The following SPNS3 variants were observed in gnomAD, a reference collection of about 807,000 sequenced individuals.
The protein encoded by SPNS3 is protein spinster homolog 3.
SPNS3 carries 51 observed loss-of-function variants against 54.4 expected under a neutral mutation model. That is an observed-to-expected ratio of 0.94 (90% CI 0.75 to 1.18). The LOEUF (loss-of-function observed/expected upper bound fraction) is 1.18, where lower values mean the gene tolerates loss of function less well. Among genes scored for constraint, SPNS3 ranks in the 50% most tolerant of loss-of-function variants. SPNS3 has a pLI of 0.00. For missense variants in SPNS3, 669 were observed against 677.4 expected (o/e 0.99, Z 0.14); for synonymous variants, 309 against 294.7 (o/e 1.05, Z -0.50).
chr17:4,455,230 T>C (rs760232745), intron 8 of SPNS3, among the ~76,000 whole-genome samples: 2 of 152,156 alleles, frequency 1.3e-5, no homozygotes, highest in Non-Finnish European at 2.9e-5. Flanking sequence ...AAAGCTTCTA[T>C]CCGGACCAGA....
Position 4,434,621 on chromosome 17 carries a change from C to T in SPNS3, c.199+455C>T, listed in dbSNP as rs376794384. 5.5e-4 allele frequency among the ~76,000 whole-genome samples: 84 copies of T among 151,616 alleles called. No homozygotes were observed. The East Asian group carries it at 7.8e-3, about 14-fold the overall frequency. ...AAGTGATTCTCCTGCCTCAGCCTCCCGAGTAGCTGGGATTACAGGCGTGCA... is the reference window on the plus strand; with the variant it reads ...AAGTGATTCTCCTGCCTCAGCCTCCTGAGTAGCTGGGATTACAGGCGTGCA... On this transcript the variant is annotated intron_variant, in intron 1 of 11. Transcript: ENST00000355530.
chr17:4,452,711 G>GA (rs1236758371), intron 7 of SPNS3, among the ~76,000 whole-genome samples: 1 of 152,076 alleles, frequency 6.6e-6, no homozygotes, highest in Non-Finnish European at 1.5e-5. Flanking sequence ...GGTCAATGGA[G>GA]ATGAGGCAGG....
At position 4,438,657 on chromosome 17, in the gene SPNS3, G is replaced by A. The variant is rs571807121; in HGVS notation, c.200-1001G>A. Among the ~76,000 whole-genome samples, 14 of 152,350 alleles carry A rather than the reference G, an allele frequency of 9.2e-5. No individual in the cohort carries two copies. The South Asian group carries it at 2.3e-3, about 25-fold the overall frequency. On this transcript the variant is annotated intron_variant, in intron 1 of 11. Coordinates refer to ENST00000355530, the MANE Select transcript of SPNS3 (RefSeq NM_182538.5). ...CATGCGTGCAAGCCAGGACACGTTC[G>A]TCTTTTTATGTACATGTTCACCTAT...
chr17:4,438,692 G>T (rs1970774408), intron 1 of SPNS3, among the ~76,000 whole-genome samples: 1 of 152,254 alleles, frequency 6.6e-6, no homozygotes, highest in Non-Finnish European at 1.5e-5. Context: ...TGCATTTCCA[G>T]TGTTTGTGCA....
At chr17:4,438,067 G>A (rs1032148589) in intron 1 of SPNS3, among the ~76,000 whole-genome samples, 15 of 152,344 alleles carry the variant, frequency 9.8e-5, no homozygotes, top group East Asian at 5.8e-4. Context: ...GATTACAGGC[G>A]TGAGCCACCA....
At chr17:4,469,842 G>A (rs541192310) in intron 8 of SPNS3, among the ~76,000 whole-genome samples, 1 of 152,120 alleles carries the variant, frequency 6.6e-6, no homozygotes, top group South Asian at 2.1e-4. Context: ...TCACTGTATC[G>A]TGTTGTATCA....
chr17:4,458,646 T>TTTCTTTCC (rs748150277), intron 8 of SPNS3, among the ~76,000 whole-genome samples: 2,674 of 127,946 alleles, frequency 0.021, 63 homozygotes, highest in Middle Eastern at 0.03. Flanking sequence ...TCTTTCTTTC[T>TTTCTTTCC]TTCCTTCCTT....
rs138506219 is a variant in SPNS3 at position 4,452,800 on chromosome 17, G to T, written c.924-216G>T. 1.2e-4 allele frequency among the ~76,000 whole-genome samples: 19 copies of T among 152,166 alleles called. No individual in the cohort carries two copies. The East Asian group carries it at 1.7e-3, about 14-fold the overall frequency. Reference sequence around the variant, plus strand: ...TGAGACAGGAGATGAGGCAGGAAAGGGGGTAGGGGAGAGCAGTGGGACATT... The same window carrying T: ...TGAGACAGGAGATGAGGCAGGAAAGTGGGTAGGGGAGAGCAGTGGGACATT... On this transcript the variant is annotated intron_variant, in intron 7 of 11. Coordinates refer to ENST00000355530, the MANE Select transcript of SPNS3 (RefSeq NM_182538.5).
At chr17:4,435,803 A>AGG (rs1470045158) in intron 1 of SPNS3, among the ~76,000 whole-genome samples, 4 of 151,286 alleles carry the variant, frequency 2.6e-5, no homozygotes, top group South Asian at 2.1e-4. Flanking sequence ...GTGGTGGCTC[A>AGG]CGCCTGTAAT....
In SPNS3 at chr17:4,486,192, C is replaced by G. The variant is rs1161132622; in HGVS notation, c.1180-36C>G. The G allele has an allele frequency of 2.0e-6, 3 of 1,498,838 alleles. No individual in the cohort carries two copies. In the Admixed American group the frequency reaches 7.1e-5, roughly 35 times the overall value. The allele number at this position is 1,498,838 out of a possible 1,614,324, so 92.8% of individuals were successfully genotyped here. On this transcript the variant is annotated intron_variant, in intron 9 of 11. Coordinates refer to ENST00000355530, the MANE Select transcript of SPNS3 (RefSeq NM_182538.5). The surrounding 1 kb of genome is among the most constrained non-coding windows in gnomAD (Gnocchi z 5.5). ...GGAACAGCAGGCAAGGGTGCCCTCA[C>G]TTGGGGTGCCCCCCTGCTGTGCCTA...
intron 8 of SPNS3, among the ~76,000 whole-genome samples, chr17:4,474,119 C>G (rs1971927767): frequency 6.6e-6 from 1 of 152,246 alleles, no homozygotes. Context: ...GCAGCACGGC[C>G]CACCAGAAGA....
chr17:4,445,384 T>TG (rs1373758943), intron 3 of SPNS3, among the ~76,000 whole-genome samples: 2 of 151,732 alleles, frequency 1.3e-5, no homozygotes, highest in African/African-American at 4.8e-5. Flanking sequence ...ACTTTTTTTT[T>TG]TTTTTTTTGA....
chr17:4,440,670 C>T (rs919404988), intron 2 of SPNS3, among the ~76,000 whole-genome samples: 5 of 152,074 alleles, frequency 3.3e-5, no homozygotes, highest in African/African-American at 1.2e-4. Flanking sequence ...GACTCCTCTC[C>T]GCATCCTGGA....
rs777812955 is a variant in SPNS3 at position 4,434,090 on chromosome 17, G to A, written c.123G>A (p.Pro41=). ...CGCCCACCTCCTGGAGCCTGCCCCC[G>A]TGGAGGGCCTACGTGGCTGCCGCCG... ...PITPTSWSLP[P]WRAYVAAAVL... The change falls in exon 1 of 12, where the codon CCG becomes CCA. Residue 41 remains proline, a synonymous_variant. Transcript: ENST00000355530. 8 of 1,612,118 alleles carry A rather than the reference G, an allele frequency of 5.0e-6. No homozygotes were observed. The highest frequency in any genetic ancestry group is 2.7e-5 in the African/African-American group (2 of 74,856).
At chr17:4,469,550 T>G (rs1035137162) in intron 8 of SPNS3, among the ~76,000 whole-genome samples, 5 of 132,022 alleles carry the variant, frequency 3.8e-5, no homozygotes, top group Admixed American at 2.8e-4. Context: ...ACCTGGGAGG[T>G]GGAGGTTGCA....
chr17:4,449,502 T>G, intron 7 of SPNS3, 115 bp downstream of exon 7: 2 of 1,282,480 alleles, frequency 1.6e-6, no homozygotes, highest in Non-Finnish European at 2.1e-6. Flanking sequence ...TTTGGTGCTG[T>G]GTGAAGACAG....
At chr17:4,478,059 C>T (rs1230688903) in intron 8 of SPNS3, among the ~76,000 whole-genome samples, 2 of 140,858 alleles carry the variant, frequency 1.4e-5, no homozygotes, top group East Asian at 4.1e-4. Flanking sequence ...GCAACCTCTG[C>T]CTCTTGGGTT....
chr17:4,446,077 C>T lies in SPNS3; in HGVS notation c.432C>T (p.Gly144=). 6.2e-7 allele frequency: 1 copy of T among 1,611,798 alleles called. No homozygotes were observed. The highest frequency in any genetic ancestry group is 1.1e-5 in the South Asian group (1 of 90,922). Residue 144 remains glycine, a synonymous_variant, in exon 4 of 12, where the codon GGC becomes GGT. Transcript: ENST00000355530. The part of the protein sequence containing the change: ...RYSWLFFLSR[G]IVGTGSASYS... ...CTTGGCTCTTCTTCCTGTCCCGGGG[C>T]ATCGTGGGCACTGGCTCGGCCAGCT...
At chr17:4,472,046 AT>A (rs1971869423) in intron 8 of SPNS3, among the ~76,000 whole-genome samples, 1 of 149,280 alleles carries the variant, frequency 6.7e-6, no homozygotes, top group Admixed American at 6.7e-5. Flanking sequence ...TTTAGTAGAG[AT>A]GGGGTTTTAC....
Sources: gnomAD v4.1 joint callset for allele counts (sites outside exome capture counted in the v4.1 genomes callset) on GRCh38, gnomAD v4.1.1 for gene constraint, Gnocchi (gnomAD v3.1) non-coding constraint, MANE v1.5 for transcripts, NCBI Gene and HGNC (gene_info 2026-07-23, HGNC 2026-07-21) for gene names.